The following EPC2 variants were observed in gnomAD, a reference collection of about 807,000 sequenced individuals.
The protein encoded by EPC2 is enhancer of polycomb 2.
Under a neutral mutation model 92.1 loss-of-function variants are expected in EPC2, and 14 were observed. That is an observed-to-expected ratio of 0.15 (90% CI 0.10 to 0.24). EPC2 has a LOEUF of 0.24. Among genes scored for constraint, EPC2 ranks in the 10% least tolerant of loss-of-function variants. The pLI, the probability that EPC2 is intolerant of heterozygous loss-of-function variation, is 1.00. For missense variants in EPC2, 755 were observed against 971.5 expected, an observed-to-expected ratio of 0.78 and a Z score of 2.96; for synonymous variants, 340 against 334.7, an observed-to-expected ratio of 1.02 and a Z score of -0.17.
At chr2:148,730,169 T>C (rs933234744) in intron 2 of EPC2, among the ~76,000 whole-genome samples, 2 of 152,192 alleles carry the variant, frequency 1.3e-5, no homozygotes, top group East Asian at 1.9e-4. Flanking sequence ...TTTATAATTC[T>C]AGGAAGTCTG....
At chr2:148,718,016 G>A (rs575539603) in intron 2 of EPC2, among the ~76,000 whole-genome samples, 3 of 152,032 alleles carry the variant, frequency 2.0e-5, no homozygotes, top group African/African-American at 7.2e-5. Flanking sequence ...TGTCTTTTTT[G>A]ATCTTTGTTG....
intron 2 of EPC2, among the ~76,000 whole-genome samples, chr2:148,726,268 C>A: frequency 6.6e-6 from 1 of 152,122 alleles, no homozygotes; most frequent in East Asian, 1.9e-4. Flanking sequence ...GATGTGGACA[C>A]GTCTCTTCAA....
chr2:148,716,701 T>C (rs571413197), intron 2 of EPC2, among the ~76,000 whole-genome samples: 1 of 152,278 alleles, frequency 6.6e-6, no homozygotes, highest in Admixed American at 6.5e-5. Flanking sequence ...CCTGAAGTTT[T>C]CTTTTTTGTT....
At chr2:148,720,697 C>G (rs943807930) in intron 2 of EPC2, among the ~76,000 whole-genome samples, 10 of 152,290 alleles carry the variant, frequency 6.6e-5, no homozygotes, top group Non-Finnish European at 1.2e-4. Context: ...TTCCCTGGGT[C>G]GCATAATCAC....
intron 1 of EPC2, among the ~76,000 whole-genome samples, chr2:148,666,547 C>CTTTTAAGAAAGAAAATAAAAAT (rs1681059666): frequency 6.6e-6 from 1 of 152,224 alleles, no homozygotes; most frequent in Non-Finnish European, 1.5e-5. Flanking sequence ...TACAAGTTCA[C>CTTTTAAGAAAGAAAATAAAAAT]ACTTTTAAAA....
rs34219179 is a variant in EPC2 at position 148,733,479 on chromosome 2, A to ATTTTTTTTTTTT, written c.314-10118_314-10107dup. Among the ~76,000 whole-genome samples, 4 of 26,680 alleles carry ATTTTTTTTTTTT rather than the reference A, an allele frequency of 1.5e-4. 2 individuals carry two copies. The highest frequency in any genetic ancestry group is 5.2e-4 in the African/African-American group (4 of 7,708). 17.5% of individuals were successfully genotyped at this position (26,680 alleles called of 152,430 possible). ...CTTTCTCTTTTCTTTCTCTCTCTGG[A>ATTTTTTTTTTTT]TTTTTTTTTTTTTTTTTTTTTTTTT... On this transcript the variant is annotated intron_variant, in intron 2 of 13. Transcript: ENST00000258484.
rs1264029668 is a variant in EPC2, at chr2:148,783,653, T to G, written c.1914T>G (p.Phe638Leu). 6.2e-7 allele frequency: 1 copy of G among 1,605,430 alleles called. No homozygotes were observed. Among genetic ancestry groups the G allele is most frequent in the Non-Finnish European group, 8.5e-7 (1 of 1,175,594 alleles). ...CACTTGACTCAGCCAGCGCCCACTT[T>G]GCTGCATCTGCAGTGGTCAGTGCAC... Reference protein sequence around the residue: ...SKTLDSASAHFAASAVVSAPV... With the variant: ...SKTLDSASAHLAASAVVSAPV... Residue 638 changes from phenylalanine (F) to leucine (L), a missense_variant, in exon 12 of 14, where the codon TTT (phenylalanine) becomes TTG (leucine). By Grantham distance (22) the Phe-to-Leu change is conservative. Coordinates refer to ENST00000258484, the MANE Select transcript of EPC2 (RefSeq NM_015630.4).
intron 1 of EPC2, among the ~76,000 whole-genome samples, chr2:148,657,549 A>C (rs771047505): frequency 6.6e-6 from 1 of 152,190 alleles, no homozygotes; most frequent in Admixed American, 6.6e-5. Context: ...AGAAGTTCCC[A>C]GGTGATCCTG....
chr2:148,687,462 C>T lies in EPC2; in HGVS notation c.154-2752C>T, dbSNP rs530371862. 3.3e-5 allele frequency among the ~76,000 whole-genome samples: 5 copies of T among 152,334 alleles called. 1 individual carries two copies. The East Asian group carries it at 9.6e-4, about 29-fold the overall frequency. On this transcript the variant is annotated intron_variant, in intron 1 of 13. Coordinates refer to ENST00000258484, the MANE Select transcript of EPC2 (RefSeq NM_015630.4). ...GTGGCTTTATAATATTTTGTGATTT[C>T]TAGTAGGCAGGTCTCCGTTCTCATG...
At chr2:148,645,369 T>G in intron 1 of EPC2, 199 bp downstream of exon 1, 2 of 540,498 alleles carry the variant, frequency 3.7e-6, no homozygotes, top group Non-Finnish European at 6.6e-6. Flanking sequence ...TGTTGTTGCG[T>G]CCCAGTGTTG....
chr2:148,644,887 GTGA>G lies in EPC2; in HGVS notation c.-130_-128del. The G allele has an allele frequency of 1.3e-6, 1 of 771,864 alleles. No homozygotes were observed. Among genetic ancestry groups the G allele is most frequent in the Non-Finnish European group, 2.1e-6 (1 of 486,264 alleles). 47.8% of individuals were successfully genotyped at this position (771,864 alleles called of 1,614,324 possible). A position where few individuals can be genotyped will look rare whatever the true frequency, so the allele number is the denominator to read the frequency against. On this transcript the variant is annotated 5_prime_UTR_variant, in exon 1 of 14. Coordinates refer to ENST00000258484, the MANE Select transcript of EPC2 (RefSeq NM_015630.4). Reference sequence around the variant, plus strand: ...GGCGCCCATGCTGTGGCCGGGGGCAGTGAGGAGGAGGAGGAGCGGGCCGGCCGC... The same window carrying G: ...GGCGCCCATGCTGTGGCCGGGGGCAGGGAGGAGGAGGAGCGGGCCGGCCGC...
intron 2 of EPC2, among the ~76,000 whole-genome samples, chr2:148,719,950 T>C (rs1682335118): frequency 2.0e-5 from 3 of 152,200 alleles, no homozygotes; most frequent in Admixed American, 2.0e-4. Context: ...AGGCTCTGGC[T>C]GGGAGGACCC....
chr2:148,698,937 C>G (rs1342941048), intron 2 of EPC2, among the ~76,000 whole-genome samples: 1 of 150,256 alleles, frequency 6.7e-6, no homozygotes, highest in Non-Finnish European at 1.5e-5. Flanking sequence ...CCATTGTAAT[C>G]AAATAATTTT....
intron 2 of EPC2, among the ~76,000 whole-genome samples, chr2:148,726,722 CTT>C (rs200527969): frequency 0.014 from 1,480 of 107,374 alleles, 13 homozygotes; most frequent in Non-Finnish European, 0.022. Context: ...TTTAAAAAAT[CTT>C]TAAATTTTTG....
intron 1 of EPC2, among the ~76,000 whole-genome samples, chr2:148,689,715 A>G (rs1681604883): frequency 6.6e-6 from 1 of 152,202 alleles, no homozygotes; most frequent in Non-Finnish European, 1.5e-5. Flanking sequence ...TTTAACCTTT[A>G]TTTAAAAATA....
intron 2 of EPC2, among the ~76,000 whole-genome samples, chr2:148,730,956 A>G (rs1176076697): frequency 6.6e-6 from 1 of 152,078 alleles, no homozygotes; most frequent in Non-Finnish European, 1.5e-5. Flanking sequence ...TTGAAAATGG[A>G]TTTGTATCAT....
chr2:148,700,881 T>C (rs112085387), intron 2 of EPC2, among the ~76,000 whole-genome samples: 1,529 of 152,302 alleles, frequency 0.01, 13 homozygotes, highest in Non-Finnish European at 0.015. Flanking sequence ...TTGAGAAGAA[T>C]TGACATAATA....
intron 3 of EPC2, among the ~76,000 whole-genome samples, chr2:148,752,577 GGTAA>G (rs1683100504): frequency 6.6e-6 from 1 of 152,084 alleles, no homozygotes; most frequent in Non-Finnish European, 1.5e-5. Context: ...TAAGAGATTG[GGTAA>G]CCATAGAATG....
At chr2:148,757,346 A>T (rs1683211128) in intron 4 of EPC2, among the ~76,000 whole-genome samples, 1 of 152,210 alleles carries the variant, frequency 6.6e-6, no homozygotes. Context: ...ACTGCACTCC[A>T]GCCTGGGTGA....
Sources: allele counts gnomAD v4.1 joint callset (sites outside exome capture counted in the v4.1 genomes callset), GRCh38; gene constraint gnomAD v4.1.1; transcripts MANE v1.5; gene names NCBI Gene and HGNC (gene_info 2026-07-23, HGNC 2026-07-21).